Variants in HMGN5 observed in about 807,000 individuals in gnomAD.
HMGN5 encodes high mobility group nucleosome-binding domain-containing protein 5.
A neutral mutation model predicts 9.5 loss-of-function variants in HMGN5; 4 were observed. The observed-to-expected ratio is 0.42, with a 90% CI of 0.21 to 0.96. HMGN5 has a LOEUF of 0.96. Ranked by LOEUF, HMGN5 falls within the 40% of genes least tolerant of loss-of-function variation. HMGN5 has a pLI of 0.30. For synonymous variants in HMGN5, 55 were observed against 57.1 expected (o/e 0.96, Z 0.16); for missense variants, 192 against 187.5 (o/e 1.02, Z -0.14).
At chrX:81,194,898 T>C (rs950895229) in intron 1 of HMGN5, among the ~76,000 whole-genome samples, 1 of 112,027 alleles carries the variant, frequency 8.9e-6, no homozygotes, top group Non-Finnish European at 1.9e-5. Flanking sequence ...TTCTAATGTT[T>C]TAAGCTGACT....
At chrX:81,146,828 C>T (rs1352051136) in intron 1 of HMGN5, among the ~76,000 whole-genome samples, 1 of 111,714 alleles carries the variant, frequency 9.0e-6, no homozygotes, top group Non-Finnish European at 1.9e-5. Context: ...CACCACCGAT[C>T]CCACAGAAAT....
chrX:81,144,285 A>C (rs2075337302), intron 1 of HMGN5, among the ~76,000 whole-genome samples: 1 of 111,566 alleles, frequency 9.0e-6, no homozygotes, highest in Non-Finnish European at 1.9e-5. Context: ...TCCAGGACGA[A>C]GCTTCCAGAG....
At chrX:81,200,383 C>A (rs757466287) in intron 1 of HMGN5, among the ~76,000 whole-genome samples, 21 of 112,198 alleles carry the variant, frequency 1.9e-4, no homozygotes, top group African/African-American at 6.5e-4. Context: ...GATTATAAAT[C>A]TTTCTATAAT....
Position 81,140,784 on chromosome X carries a change from A to AAAGT in HMGN5, c.-123-19116_-123-19113dup, listed in dbSNP as rs747308482. Among the ~76,000 whole-genome samples the AAAGT allele has an allele frequency of 3.6e-5, 4 of 110,672 alleles. No individual in the cohort carries two copies. In the East Asian group the frequency reaches 1.2e-3, roughly 32 times the overall value. On this transcript the variant is annotated intron_variant, in intron 1 of 6. Coordinates refer to ENST00000358130, the MANE Select transcript of HMGN5 (RefSeq NM_030763.3). ...CTTCTGCTTGAGAAAAGCAGATGGAAAAGTAAAGGGAATTTTGTCTTGCAC... is the reference window on the plus strand; with the variant it reads ...CTTCTGCTTGAGAAAAGCAGATGGAAAAGTAAGTAAAGGGAATTTTGTCTTGCAC...
intron 1 of HMGN5, among the ~76,000 whole-genome samples, chrX:81,193,252 C>T (rs1167547864): frequency 9.0e-6 from 1 of 111,589 alleles, no homozygotes; most frequent in Admixed American, 9.6e-5. Flanking sequence ...ATGAGAAGAT[C>T]AACTCTCTGA....
chrX:81,199,842 G>A (rs2075520172), intron 1 of HMGN5, among the ~76,000 whole-genome samples: 1 of 111,879 alleles, frequency 8.9e-6, no homozygotes, highest in Non-Finnish European at 1.9e-5. Context: ...CTAAAACACT[G>A]AAAGCAATGG....
intron 3 of HMGN5, among the ~76,000 whole-genome samples, chrX:81,119,366 A>C: frequency 8.9e-6 from 1 of 111,801 alleles, no homozygotes; most frequent in South Asian, 3.7e-4. Flanking sequence ...ATATATATTT[A>C]ATGCAATAAC....
chrX:81,149,806 A>G (rs186291261), intron 1 of HMGN5, among the ~76,000 whole-genome samples: 16 of 112,115 alleles, frequency 1.4e-4, no homozygotes, highest in Middle Eastern at 9.2e-3. Context: ...ATAACAAGAG[A>G]CAAAGATGGT....
chrX:81,195,216 T>G (rs2075504622), intron 1 of HMGN5: 1 of 112,097 alleles, frequency 8.9e-6, no homozygotes, highest in African/African-American at 3.2e-5. Flanking sequence ...AAGCCGACAG[T>G]GCAGCCTTCA....
At chrX:81,163,409 T>C (rs1195036895) in intron 1 of HMGN5, among the ~76,000 whole-genome samples, 1 of 112,167 alleles carries the variant, frequency 8.9e-6, no homozygotes, top group Non-Finnish European at 1.9e-5. Context: ...CACATAGAAA[T>C]AGTAACTGGA....
At chrX:81,146,953 A>C (rs1289303942) in intron 1 of HMGN5, among the ~76,000 whole-genome samples, 1 of 111,850 alleles carries the variant, frequency 8.9e-6, no homozygotes, top group Admixed American at 9.5e-5. Context: ...ACCAGGAAGA[A>C]GTCAAATCCC....
intron 1 of HMGN5, among the ~76,000 whole-genome samples, chrX:81,160,024 T>C (rs1288137327): frequency 8.9e-6 from 1 of 112,085 alleles, no homozygotes; most frequent in African/African-American, 3.2e-5. Context: ...AACTGTTGAA[T>C]TTAATATTTC....
At chrX:81,145,832 A>G in intron 1 of HMGN5, among the ~76,000 whole-genome samples, 1 of 111,801 alleles carries the variant, frequency 8.9e-6, no homozygotes. Context: ...GGAAATTAAA[A>G]AAAAGCAGAG....
At chrX:81,147,155 A>G (rs1489605143) in intron 1 of HMGN5, among the ~76,000 whole-genome samples, 1 of 112,172 alleles carries the variant, frequency 8.9e-6, no homozygotes, top group Non-Finnish European at 1.9e-5. Flanking sequence ...TTATGAGGTC[A>G]GCATCATCCT....
intron 1 of HMGN5, among the ~76,000 whole-genome samples, chrX:81,181,678 C>A (rs1054066178): frequency 9.0e-5 from 10 of 111,714 alleles, no homozygotes; most frequent in Non-Finnish European, 1.3e-4. Context: ...TTAACACCCA[C>A]AAATAAGTGA....
chrX:81,120,767 G>C (rs1240701594), intron 2 of HMGN5, among the ~76,000 whole-genome samples: 1 of 111,670 alleles, frequency 9.0e-6, no homozygotes, highest in African/African-American at 3.3e-5. Flanking sequence ...CAGGAATTGT[G>C]AAGTGAGGGT....
At chrX:81,180,467 C>T (rs1468019702) in intron 1 of HMGN5, among the ~76,000 whole-genome samples, 3 of 112,117 alleles carry the variant, frequency 2.7e-5, no homozygotes, top group Non-Finnish European at 5.6e-5. Flanking sequence ...CATCACTGGC[C>T]GTCAGAGAAA....
At position 81,153,583 on chromosome X, in the gene HMGN5, CT is replaced by C. The variant is rs2075373252; in HGVS notation, c.-123-31912del. 5.7e-3 allele frequency among the ~76,000 whole-genome samples: 35 copies of C among 6,142 alleles called. 4 individuals carry two copies. The highest frequency in any genetic ancestry group is 0.015 in the African/African-American group (27 of 1,785). 5.3% of individuals were successfully genotyped at this position (6,142 alleles called of 115,157 possible). On this transcript the variant is annotated intron_variant, in intron 1 of 6. Transcript: ENST00000358130. Reference sequence around the variant, plus strand: ...TCTCTCTCTCTCTCTCTCTCTCTCTCTATATATATATATATATATATATATA... The same window carrying C: ...TCTCTCTCTCTCTCTCTCTCTCTCTCATATATATATATATATATATATATA...
At chrX:81,129,917 T>A (rs1316369309) in intron 1 of HMGN5, among the ~76,000 whole-genome samples, 1 of 111,672 alleles carries the variant, frequency 9.0e-6, no homozygotes, top group African/African-American at 3.3e-5. Context: ...CAAAGTACGC[T>A]GACTCATTGT....
Sources: allele counts gnomAD v4.1 joint callset (sites outside exome capture counted in the v4.1 genomes callset), GRCh38; gene constraint gnomAD v4.1.1; transcripts MANE v1.5; gene names NCBI Gene and HGNC (gene_info 2026-07-23, HGNC 2026-07-21).